Variants in MAMDC2 observed in about 807,000 individuals in gnomAD.
MAMDC2 encodes MAM domain containing 2, also known as MAM domain-containing protein 2.
MAMDC2 carries 57 observed loss-of-function variants against 89.8 expected under a neutral mutation model. The observed-to-expected ratio is 0.63, with a 90% confidence interval of 0.51 to 0.79. The LOEUF (loss-of-function observed/expected upper bound fraction) is 0.79. Among genes scored for constraint, MAMDC2 ranks in the 30% least tolerant of loss-of-function variants. The probability of loss-of-function intolerance (pLI) is 0.00; values close to 1 mark genes in which losing one functional copy is unlikely to be tolerated. For missense variants in MAMDC2, 800 were observed against 820.6 expected, an observed-to-expected ratio of 0.97 and a Z score of 0.31; for synonymous variants, 313 against 293.4, an observed-to-expected ratio of 1.07 and a Z score of -0.68.
chr9:70,208,771 T>C (rs1364911099), intron 11 of MAMDC2, among the ~76,000 whole-genome samples: 2 of 151,954 alleles, frequency 1.3e-5, no homozygotes, highest in Non-Finnish European at 2.9e-5. Context: ...GCTGTGGGTT[T>C]GTCATAGATA....
At chr9:70,180,949 A>G (rs2032633302) in intron 11 of MAMDC2, among the ~76,000 whole-genome samples, 1 of 152,142 alleles carries the variant, frequency 6.6e-6, no homozygotes, top group African/African-American at 2.4e-5. Context: ...CCTGAATGGT[A>G]TTGCCTAGGT....
chr9:70,055,476 C>T (rs940796742), intron 2 of MAMDC2, among the ~76,000 whole-genome samples: 4 of 152,140 alleles, frequency 2.6e-5, no homozygotes, highest in African/African-American at 9.7e-5. Flanking sequence ...TTGGATGATG[C>T]TTTTGTTATT....
intron 5 of MAMDC2, among the ~76,000 whole-genome samples, chr9:70,120,882 A>C (rs536344724): frequency 6.6e-6 from 1 of 152,304 alleles, no homozygotes; most frequent in South Asian, 2.1e-4. Flanking sequence ...AGGGTGGAAA[A>C]ACATGCATCA....
chr9:70,099,935 A>C (rs1828122964), intron 2 of MAMDC2, among the ~76,000 whole-genome samples: 1 of 149,900 alleles, frequency 6.7e-6, no homozygotes, highest in Non-Finnish European at 1.5e-5. Flanking sequence ...AGGTTACGCC[A>C]CTGCACTCCC....
At chr9:70,115,779 G>A (rs1306591383) in intron 5 of MAMDC2, among the ~76,000 whole-genome samples, 1 of 152,122 alleles carries the variant, frequency 6.6e-6, no homozygotes, top group African/African-American at 2.4e-5. Context: ...AACCAGTCAT[G>A]GCAAAGTAAT....
At chr9:70,052,790 T>C (rs1826941632) in intron 2 of MAMDC2, among the ~76,000 whole-genome samples, 1 of 152,260 alleles carries the variant, frequency 6.6e-6, no homozygotes, top group Non-Finnish European at 1.5e-5. Context: ...TTAGTAATCC[T>C]TCCTACCATG....
chr9:70,070,118 T>C (rs1334961384), intron 2 of MAMDC2, among the ~76,000 whole-genome samples: 3 of 152,196 alleles, frequency 2.0e-5, no homozygotes, highest in Admixed American at 2.0e-4. Context: ...AATCCTTCCT[T>C]GGCCAGTAAC....
intron 11 of MAMDC2, among the ~76,000 whole-genome samples, chr9:70,200,500 T>C (rs1039841439): frequency 6.6e-6 from 1 of 151,882 alleles, no homozygotes; most frequent in African/African-American, 2.4e-5. Flanking sequence ...CCTCCAGCTT[T>C]GTTCTTTTGG....
At chr9:70,066,901 A>G (rs1002938217) in intron 2 of MAMDC2, among the ~76,000 whole-genome samples, 2 of 152,230 alleles carry the variant, frequency 1.3e-5, no homozygotes, top group Admixed American at 1.3e-4. Context: ...AAATTAATGA[A>G]TTAAGTTCAT....
intron 2 of MAMDC2, among the ~76,000 whole-genome samples, chr9:70,047,673 T>G (rs1368661948): frequency 6.6e-6 from 1 of 152,222 alleles, no homozygotes; most frequent in Non-Finnish European, 1.5e-5. Context: ...ATGTGCCAGA[T>G]GCACTTCTTA....
intron 2 of MAMDC2, among the ~76,000 whole-genome samples, chr9:70,049,109 A>G (rs1826828125): frequency 1.3e-5 from 2 of 152,156 alleles, no homozygotes; most frequent in African/African-American, 4.8e-5. Context: ...TCAGGGTTTG[A>G]GAAATCGCCT....
At chr9:70,172,714 T>A (rs1466584418) in intron 11 of MAMDC2, 2 of 152,808 alleles carry the variant, frequency 1.3e-5, no homozygotes, top group Admixed American at 6.5e-5. Flanking sequence ...ACTGCTGACC[T>A]CTTTTCTTGC....
At chr9:70,087,291 A>G (rs960554584) in intron 2 of MAMDC2, 1 of 152,176 alleles carries the variant, frequency 6.6e-6, no homozygotes, top group Non-Finnish European at 1.5e-5. Context: ...CAACTAATAT[A>G]AATTAAAAGT....
chr9:70,123,545 G>A (rs1046528957), intron 5 of MAMDC2, among the ~76,000 whole-genome samples: 4 of 152,104 alleles, frequency 2.6e-5, no homozygotes, highest in African/African-American at 9.7e-5. Context: ...AAATATGGTG[G>A]GGAGTGTTAG....
intron 2 of MAMDC2, among the ~76,000 whole-genome samples, chr9:70,071,325 G>A (rs1195254924): frequency 6.6e-6 from 1 of 152,102 alleles, no homozygotes; most frequent in Non-Finnish European, 1.5e-5. Flanking sequence ...TACAGCCCAG[G>A]GGTTCCAGAA....
At chr9:70,081,160 G>A (rs1827643411) in intron 2 of MAMDC2, among the ~76,000 whole-genome samples, 1 of 152,160 alleles carries the variant, frequency 6.6e-6, no homozygotes, top group Admixed American at 6.6e-5. Context: ...GATGGGACAG[G>A]GAAGGGGAAG....
At chr9:70,142,034 C>T (rs961413736) in intron 8 of MAMDC2, among the ~76,000 whole-genome samples, 3 of 152,134 alleles carry the variant, frequency 2.0e-5, no homozygotes, top group Non-Finnish European at 4.4e-5. Context: ...AGTGACTTTA[C>T]CTCAAAATAA....
intron 11 of MAMDC2, chr9:70,217,141 A>C: frequency 1.7e-6 from 1 of 573,758 alleles, no homozygotes; most frequent in East Asian, 2.8e-5. Context: ...CAATTTAAAA[A>C]TATTACAGAA....
At chr9:70,098,086 T>C (rs1025740707) in intron 2 of MAMDC2, among the ~76,000 whole-genome samples, 2 of 152,230 alleles carry the variant, frequency 1.3e-5, no homozygotes, top group Non-Finnish European at 2.9e-5. Context: ...TGGGGGCCCA[T>C]ATACTTTATG....
Sources: gnomAD v4.1 joint callset for allele counts (sites outside exome capture counted in the v4.1 genomes callset) on GRCh38, gnomAD v4.1.1 for gene constraint, MANE v1.5 for transcripts, NCBI Gene and HGNC (gene_info 2026-07-23, HGNC 2026-07-21) for gene names.